The following SIPA1L1 variants were observed in gnomAD, a reference collection of about 807,000 sequenced individuals.
The protein encoded by SIPA1L1 is signal induced proliferation associated 1 like 1, also known as signal-induced proliferation-associated 1-like protein 1.
In SIPA1L1, 26 loss-of-function variants were observed where a neutral mutation model predicts 162.7. The observed-to-expected ratio is 0.16, with a 90% confidence interval of 0.12 to 0.22. The LOEUF (loss-of-function observed/expected upper bound fraction) is 0.22, where lower values mean the gene tolerates loss of function less well. Among genes scored for constraint, SIPA1L1 ranks in the 10% least tolerant of loss-of-function variants. The pLI, the probability that SIPA1L1 is intolerant of heterozygous loss-of-function variation, is 1.00. For missense variants in SIPA1L1, 1,874 were observed against 2,241.0 expected, an observed-to-expected ratio of 0.84 and a Z score of 3.31; for synonymous variants, 829 against 837.4, an observed-to-expected ratio of 0.99 and a Z score of 0.17.
At chr14:71,728,410 A>G (rs1306371777) in intron 19 of SIPA1L1, among the ~76,000 whole-genome samples, 4 of 152,242 alleles carry the variant, frequency 2.6e-5, no homozygotes, top group African/African-American at 9.6e-5. Context: ...GTACATACGT[A>G]CCTTGGATTT....
chr14:71,386,535 A>G (rs1236711505), intron 2 of SIPA1L1, among the ~76,000 whole-genome samples: 1 of 152,200 alleles, frequency 6.6e-6, no homozygotes, highest in African/African-American at 2.4e-5. Flanking sequence ...ATTAACCATC[A>G]CAGCGACTAT....
intron 4 of SIPA1L1, among the ~76,000 whole-genome samples, chr14:71,586,104 A>G (rs1206982604): frequency 6.6e-6 from 1 of 152,260 alleles, no homozygotes; most frequent in African/African-American, 2.4e-5. Flanking sequence ...TCCCTTTTAC[A>G]AAAGATGGTG....
chr14:71,604,196 A>T (rs374765569), intron 5 of SIPA1L1, among the ~76,000 whole-genome samples: 1 of 151,490 alleles, frequency 6.6e-6, no homozygotes, highest in African/African-American at 2.4e-5. Flanking sequence ...ATGAGGTTTC[A>T]CCATGTTGCC....
chr14:71,522,915 C>T (rs1314763345), intron 3 of SIPA1L1, among the ~76,000 whole-genome samples: 1 of 152,068 alleles, frequency 6.6e-6, no homozygotes, highest in African/African-American at 2.4e-5. Context: ...CTAGGTGATC[C>T]ACCCGCCTTG....
intron 12 of SIPA1L1, among the ~76,000 whole-genome samples, chr14:71,677,387 G>A (rs551719480): frequency 6.6e-6 from 1 of 152,294 alleles, no homozygotes; most frequent in East Asian, 1.9e-4. Flanking sequence ...TTTGTCAGAT[G>A]GGTAGATTGT....
At chr14:71,713,102 C>CCT (rs1225280100) in intron 17 of SIPA1L1, among the ~76,000 whole-genome samples, 1 of 152,180 alleles carries the variant, frequency 6.6e-6, no homozygotes, top group Non-Finnish European at 1.5e-5. Context: ...GGCCTATAGT[C>CCT]CCAGCTGCTC....
intron 5 of SIPA1L1, among the ~76,000 whole-genome samples, chr14:71,594,004 A>G (rs924223006): frequency 6.6e-6 from 1 of 152,154 alleles, no homozygotes; most frequent in African/African-American, 2.4e-5. Context: ...TTATGCACCT[A>G]AATATTCTTT....
intron 3 of SIPA1L1, 67 bp from the exon 4 acceptor site, chr14:71,529,245 A>G: frequency 3.8e-6 from 2 of 524,354 alleles, no homozygotes; most frequent in Non-Finnish European, 3.4e-6. Flanking sequence ...TGTAAGTTAT[A>G]CAGCTATTGT....
intron 2 of SIPA1L1, among the ~76,000 whole-genome samples, chr14:71,503,065 G>C (rs1003810449): frequency 6.6e-6 from 1 of 152,122 alleles, no homozygotes; most frequent in Admixed American, 6.6e-5. Context: ...TCATGTCCCT[G>C]ACCTCTATTG....
At chr14:71,686,449 C>G (rs2080871463) in intron 13 of SIPA1L1, among the ~76,000 whole-genome samples, 1 of 152,214 alleles carries the variant, frequency 6.6e-6, no homozygotes. Flanking sequence ...AGTAATTGCA[C>G]TATAAATTTG....
chr14:71,360,618 T>C (rs1213216031), intron 2 of SIPA1L1, among the ~76,000 whole-genome samples: 1 of 152,244 alleles, frequency 6.6e-6, no homozygotes, highest in Non-Finnish European at 1.5e-5. Flanking sequence ...TACAAAGTAT[T>C]TATGTCTTTC....
intron 2 of SIPA1L1, among the ~76,000 whole-genome samples, chr14:71,385,686 C>CTTTTTTTTTTTTTTTTTTTTTTATTTT: frequency 8.9e-6 from 1 of 112,414 alleles, no homozygotes; most frequent in Non-Finnish European, 1.8e-5. Flanking sequence ...TTTGTACATT[C>CTTTTTTTTTTTTTTTTTTTTTTATTTT]TTTTTTTTTT....
intron 5 of SIPA1L1, among the ~76,000 whole-genome samples, chr14:71,602,110 ATTTGG>A (rs1172309888): frequency 6.7e-6 from 1 of 150,166 alleles, no homozygotes; most frequent in Admixed American, 6.6e-5. Flanking sequence ...CTAATTTTGG[ATTTGG>A]TTTGTTCTTA....
At chr14:71,606,349 TCA>T (rs1466582107) in intron 5 of SIPA1L1, among the ~76,000 whole-genome samples, 2 of 152,124 alleles carry the variant, frequency 1.3e-5, no homozygotes, top group Non-Finnish European at 2.9e-5. Flanking sequence ...GGCCCATGCT[TCA>T]GCCCTGGTGG....
chr14:71,515,442 TAAAATG>T (rs1567135252), intron 3 of SIPA1L1, among the ~76,000 whole-genome samples: 1 of 152,184 alleles, frequency 6.6e-6, no homozygotes, highest in East Asian at 1.9e-4. Flanking sequence ...CACCTCTACT[TAAAATG>T]AAAATCTCTT....
chr14:71,693,095 A>AT (rs569340224), intron 13 of SIPA1L1, among the ~76,000 whole-genome samples: 35 of 151,902 alleles, frequency 2.3e-4, no homozygotes, highest in Admixed American at 1.4e-3. Flanking sequence ...TCAAATTTCA[A>AT]TTTTTTTTTA....
intron 4 of SIPA1L1, among the ~76,000 whole-genome samples, chr14:71,539,234 C>G (rs953623010): frequency 1.3e-5 from 2 of 152,154 alleles, no homozygotes; most frequent in Non-Finnish European, 2.9e-5. Context: ...TAAAAACACT[C>G]TCTCATAAGC....
At chr14:71,358,941 A>G (rs560059058) in intron 2 of SIPA1L1, among the ~76,000 whole-genome samples, 2 of 152,308 alleles carry the variant, frequency 1.3e-5, no homozygotes, top group Non-Finnish European at 2.9e-5. Flanking sequence ...CCTAAAATCC[A>G]GTCACCTTGC....
At chr14:71,580,006 G>A (rs1228096324) in intron 4 of SIPA1L1, among the ~76,000 whole-genome samples, 2 of 152,084 alleles carry the variant, frequency 1.3e-5, no homozygotes, top group Non-Finnish European at 2.9e-5. Context: ...GTCTCAAATC[G>A]CCAATGTTAG....
Sources: gnomAD v4.1 joint callset for allele counts (sites outside exome capture counted in the v4.1 genomes callset) on GRCh38, gnomAD v4.1.1 for gene constraint, MANE v1.5 for transcripts, NCBI Gene and HGNC (gene_info 2026-07-23, HGNC 2026-07-21) for gene names.